Variants in SH3GL3 observed in about 807,000 individuals in gnomAD.
SH3GL3 encodes endophilin-A3.
In SH3GL3, 33 loss-of-function variants were observed where a neutral mutation model predicts 47.7. The observed-to-expected ratio is 0.69, with a 90% CI of 0.52 to 0.92. The LOEUF (loss-of-function observed/expected upper bound fraction) is 0.92. SH3GL3 is among the 40% of genes least tolerant of loss of function. SH3GL3 has a pLI of 0.00. For synonymous variants in SH3GL3, 155 were observed against 148.8 expected (o/e 1.04, Z -0.30); for missense variants, 363 against 417.8 (o/e 0.87, Z 1.14).
intron 1 of SH3GL3, among the ~76,000 whole-genome samples, chr15:83,536,079 G>C (rs535326097): frequency 2.0e-5 from 3 of 152,230 alleles, no homozygotes; most frequent in Non-Finnish European, 4.4e-5. Flanking sequence ...TACCAGACCA[G>C]GCTGTTACTG....
chr15:83,460,207 C>T (rs2040225726), intron 1 of SH3GL3, among the ~76,000 whole-genome samples: 1 of 151,008 alleles, frequency 6.6e-6, no homozygotes, highest in African/African-American at 2.4e-5. Context: ...CTCAAAGGAT[C>T]CTCTCACTTT....
chr15:83,559,375 G>T (rs2045135783), intron 2 of SH3GL3, 54 bp downstream of exon 2: 2 of 906,734 alleles, frequency 2.2e-6, no homozygotes, highest in African/African-American at 1.6e-5. Context: ...ATTGTGATAT[G>T]AGATATACTG....
At chr15:83,516,905 A>AT (rs534096576) in intron 1 of SH3GL3, among the ~76,000 whole-genome samples, 33 of 147,708 alleles carry the variant, frequency 2.2e-4, no homozygotes, top group South Asian at 6.4e-4. Context: ...TTCAGTCAAC[A>AT]TTTTTTTTTT....
intron 1 of SH3GL3, among the ~76,000 whole-genome samples, chr15:83,550,787 T>C (rs557932644): frequency 6.6e-6 from 1 of 152,306 alleles, no homozygotes; most frequent in Non-Finnish European, 1.5e-5. Flanking sequence ...TCAAGAGCTG[T>C]TTTTGTTTTT....
At chr15:83,481,851 T>C (rs1031502095) in intron 1 of SH3GL3, among the ~76,000 whole-genome samples, 2 of 152,236 alleles carry the variant, frequency 1.3e-5, no homozygotes, top group African/African-American at 4.8e-5. Context: ...GAGACAGTTC[T>C]ACTTGAAAGG....
intron 1 of SH3GL3, among the ~76,000 whole-genome samples, chr15:83,496,218 G>A (rs976584564): frequency 3.3e-5 from 5 of 151,806 alleles, no homozygotes; most frequent in Admixed American, 6.6e-5. Flanking sequence ...TTAGCCAGGC[G>A]TGGTGGTGCA....
At chr15:83,577,653 A>G (rs1265235818) in intron 6 of SH3GL3, among the ~76,000 whole-genome samples, 1 of 152,014 alleles carries the variant, frequency 6.6e-6, no homozygotes, top group Non-Finnish European at 1.5e-5. Context: ...CAGCCTCCCA[A>G]AGTGCTGGGA....
intron 1 of SH3GL3, among the ~76,000 whole-genome samples, chr15:83,531,188 A>G (rs545921145): frequency 2.0e-5 from 3 of 152,350 alleles, no homozygotes; most frequent in South Asian, 2.1e-4. Context: ...TACCATAATG[A>G]GTAATATTCA....
intron 1 of SH3GL3, among the ~76,000 whole-genome samples, chr15:83,463,767 CT>C (rs910419812): frequency 4.0e-4 from 49 of 122,914 alleles, no homozygotes; most frequent in Middle Eastern, 4.3e-3. Flanking sequence ...TTCTTTCTTT[CT>C]TTTTTTTTTT....
intron 1 of SH3GL3, among the ~76,000 whole-genome samples, chr15:83,466,690 A>G (rs1415513224): frequency 1.3e-5 from 2 of 152,178 alleles, no homozygotes; most frequent in Non-Finnish European, 2.9e-5. Flanking sequence ...GACAGTTTCA[A>G]TTTCTCCACA....
At chr15:83,543,975 T>A (rs1040899812) in intron 1 of SH3GL3, among the ~76,000 whole-genome samples, 7 of 152,038 alleles carry the variant, frequency 4.6e-5, no homozygotes, top group Non-Finnish European at 1.0e-4. Flanking sequence ...TTTTGTTTTG[T>A]TGACCTTTTA....
chr15:83,552,535 G>A (rs2044716377), intron 1 of SH3GL3, among the ~76,000 whole-genome samples: 1 of 152,124 alleles, frequency 6.6e-6, no homozygotes, highest in Non-Finnish European at 1.5e-5. Context: ...GATTGACTTT[G>A]TTACGTAGTA....
At chr15:83,497,467 G>A (rs2042127503) in intron 1 of SH3GL3, among the ~76,000 whole-genome samples, 1 of 152,122 alleles carries the variant, frequency 6.6e-6, no homozygotes, top group African/African-American at 2.4e-5. Context: ...GTCCACTAGA[G>A]GCAAGGTGCC....
intron 8 of SH3GL3, among the ~76,000 whole-genome samples, chr15:83,606,046 G>GT (rs35498646): frequency 3.5e-4 from 52 of 148,586 alleles, no homozygotes; most frequent in Non-Finnish European, 4.0e-4. Flanking sequence ...TTTTTATGAA[G>GT]TTTTTTTTTT....
In SH3GL3 at chr15:83,507,520, T is replaced by G. The variant is rs1040719631; in HGVS notation, c.46-51733T>G. 3.3e-5 allele frequency among the ~76,000 whole-genome samples: 5 copies of G among 152,004 alleles called. No individual in the cohort carries two copies. In the East Asian group the frequency reaches 9.7e-4, roughly 29 times the overall value. Reference sequence around the variant, plus strand: ...AACCCTGCCTCCTGGGTTCAAGTGATTCTCCTGCCTCTGCCTCCCGAGTAG... The same window carrying G: ...AACCCTGCCTCCTGGGTTCAAGTGAGTCTCCTGCCTCTGCCTCCCGAGTAG... On this transcript the variant is annotated intron_variant, in intron 1 of 8. Coordinates refer to ENST00000427482, the MANE Select transcript of SH3GL3 (RefSeq NM_003027.5).
Position 83,576,606 on chromosome 15 carries a change from C to T in SH3GL3, c.489C>T (p.Gly163=), listed in dbSNP as rs1389437154. ...AGCATCACCTGAAAAAGCTGGAAGG[C>T]CGCCGCCTGGATTACGATTATAAAA... is the stretch of plus-strand genomic sequence containing the variant. ...EIGHHLKKLE[G]RRLDYDYKKK... is the part of the protein sequence containing the mutation. The change falls in exon 6 of 9, where the codon GGC becomes GGT. Residue 163 remains glycine, a synonymous_variant. Coordinates refer to ENST00000427482, the MANE Select transcript of SH3GL3 (RefSeq NM_003027.5). 4 of 1,610,098 alleles carry T rather than the reference C, an allele frequency of 2.5e-6. No homozygotes were observed. The South Asian group carries it at 3.3e-5, about 13-fold the overall frequency.
At chr15:83,525,613 G>A (rs1475158490) in intron 1 of SH3GL3, among the ~76,000 whole-genome samples, 1 of 152,078 alleles carries the variant, frequency 6.6e-6, no homozygotes, top group Non-Finnish European at 1.5e-5. Context: ...ATGCCCTGGA[G>A]TGTTTCCCCT....
At chr15:83,498,282 A>G (rs1328325713) in intron 1 of SH3GL3, among the ~76,000 whole-genome samples, 1 of 152,182 alleles carries the variant, frequency 6.6e-6, no homozygotes, top group Non-Finnish European at 1.5e-5. Context: ...TCTGGAGCTG[A>G]TTACCTCCCC....
chr15:83,490,136 G>A (rs1459285838), intron 1 of SH3GL3, among the ~76,000 whole-genome samples: 1 of 152,162 alleles, frequency 6.6e-6, no homozygotes, highest in Non-Finnish European at 1.5e-5. Flanking sequence ...CCAACCTCAG[G>A]GGGATGGATG....
Sources: gnomAD v4.1 joint callset for allele counts (sites outside exome capture counted in the v4.1 genomes callset) on GRCh38, gnomAD v4.1.1 for gene constraint, MANE v1.5 for transcripts, NCBI Gene and HGNC (gene_info 2026-07-23, HGNC 2026-07-21) for gene names.